WDR41: variants seen among roughly 807,000 people sequenced by gnomAD.
WDR41 encodes WD repeat domain 41.
Under a neutral mutation model 69.3 loss-of-function variants are expected in WDR41, and 63 were observed. The observed-to-expected ratio is 0.91, with a 90% CI of 0.74 to 1.12. The LOEUF (loss-of-function observed/expected upper bound fraction) is 1.12. Among genes scored for constraint, WDR41 ranks in the 50% most tolerant of loss-of-function variants. WDR41 has a pLI of 0.00. For missense variants in WDR41, 543 were observed against 534.5 expected, an observed-to-expected ratio of 1.02 and a Z score of -0.16; for synonymous variants, 185 against 192.1, an observed-to-expected ratio of 0.96 and a Z score of 0.31.
At chr5:77,490,745 T>C (rs1267962686) in intron 1 of WDR41, among the ~76,000 whole-genome samples, 2 of 152,152 alleles carry the variant, frequency 1.3e-5, no homozygotes, top group East Asian at 1.9e-4. Flanking sequence ...GCAAATAACA[T>C]GATTAACCAA....
chr5:77,544,696 A>G (rs1333023204), intron 1 of WDR41, among the ~76,000 whole-genome samples: 6 of 152,122 alleles, frequency 3.9e-5, no homozygotes, highest in Admixed American at 3.9e-4. Flanking sequence ...CTAAGAAATG[A>G]GATAGACAGC....
At chr5:77,598,788 G>A (rs1339756785) in intron 1 of WDR41, among the ~76,000 whole-genome samples, 2 of 151,918 alleles carry the variant, frequency 1.3e-5, no homozygotes, top group Admixed American at 6.6e-5. Context: ...CAATGTTAAC[G>A]CTGCTGCTGA....
chr5:77,543,172 C>T (rs1286099888), intron 1 of WDR41, among the ~76,000 whole-genome samples: 1 of 152,160 alleles, frequency 6.6e-6, no homozygotes, highest in Non-Finnish European at 1.5e-5. Context: ...CAGCCCTAGA[C>T]CTTCCCTCTG....
intron 1 of WDR41, among the ~76,000 whole-genome samples, chr5:77,516,335 A>G (rs550267898): frequency 6.6e-6 from 1 of 152,344 alleles, no homozygotes; most frequent in South Asian, 2.1e-4. Context: ...GAGAGGATGG[A>G]CAAAATGAAT....
chr5:77,569,878 A>T (rs183376133), intron 1 of WDR41, among the ~76,000 whole-genome samples: 1 of 152,324 alleles, frequency 6.6e-6, no homozygotes, highest in African/African-American at 2.4e-5. Flanking sequence ...GACTGGGGTG[A>T]ATGGCACAGC....
chr5:77,583,924 T>A (rs922821303), intron 1 of WDR41, among the ~76,000 whole-genome samples: 2 of 152,118 alleles, frequency 1.3e-5, no homozygotes, highest in Non-Finnish European at 2.9e-5. Flanking sequence ...ATCCCAAAAA[T>A]GCAAGGTTGA....
chr5:77,556,998 T>C (rs1016688288), intron 1 of WDR41, among the ~76,000 whole-genome samples: 42 of 152,136 alleles, frequency 2.8e-4, no homozygotes, highest in African/African-American at 1.0e-3. Flanking sequence ...GGGTGGAGCC[T>C]GAAAGCTGTT....
At chr5:77,513,272 T>C (rs1020813467) in intron 1 of WDR41, among the ~76,000 whole-genome samples, 4 of 152,224 alleles carry the variant, frequency 2.6e-5, no homozygotes, top group Non-Finnish European at 5.9e-5. Flanking sequence ...CTTGGCACTC[T>C]GTAGGTCTGT....
intron 2 of WDR41, among the ~76,000 whole-genome samples, chr5:77,485,605 C>T (rs761426533): frequency 1.3e-4 from 20 of 152,116 alleles, no homozygotes; most frequent in Non-Finnish European, 2.5e-4. Flanking sequence ...GTGTTATGAA[C>T]TCAGTTTAGT....
intron 1 of WDR41, among the ~76,000 whole-genome samples, chr5:77,519,499 T>C (rs1802341581): frequency 6.6e-6 from 1 of 152,014 alleles, no homozygotes; most frequent in Non-Finnish European, 1.5e-5. Flanking sequence ...TAGCAAATTA[T>C]CTTTAACAAA....
intron 1 of WDR41, among the ~76,000 whole-genome samples, chr5:77,497,449 A>G (rs1801950217): frequency 1.3e-5 from 2 of 152,198 alleles, no homozygotes. Context: ...ACTTGAGTAG[A>G]CATTTCTCCA....
rs138824130 is a variant in WDR41 at position 77,565,968 on chromosome 5, T to C, written c.42+54511A>G. On this transcript the variant is annotated intron_variant, in intron 1 of 5. Transcript: ENST00000509971. ...TTGACTTCTTACTGCATAGCAGATA[T>C]ATATATTGACTCATTTAATTCTCAT... Among the ~76,000 whole-genome samples the C allele has an allele frequency of 4.3e-4, 65 of 152,286 alleles. 1 individual carries two copies. The East Asian group carries it at 0.011, about 26-fold the overall frequency.
At chr5:77,606,052 T>C (rs1744411728) in intron 1 of WDR41, among the ~76,000 whole-genome samples, 1 of 152,164 alleles carries the variant, frequency 6.6e-6, no homozygotes, top group Non-Finnish European at 1.5e-5. Context: ...TAGGGAAAGC[T>C]AGAAGATGTG....
intron 4 of WDR41, among the ~76,000 whole-genome samples, chr5:77,462,625 C>T (rs927067090): frequency 1.3e-5 from 2 of 152,052 alleles, no homozygotes; most frequent in Non-Finnish European, 2.9e-5. Flanking sequence ...ATATTACACA[C>T]TGAACAAACA....
At chr5:77,453,668 C>A (rs1315094728) in intron 6 of WDR41, 149 bp downstream of exon 6, 2 of 624,024 alleles carry the variant, frequency 3.2e-6, no homozygotes, top group East Asian at 2.7e-5. Context: ...CAACCCCGAT[C>A]TGAATTGAAT....
intron 2 of WDR41, among the ~76,000 whole-genome samples, chr5:77,476,852 T>C (rs1800959285): frequency 6.9e-6 from 1 of 145,116 alleles, no homozygotes; most frequent in Admixed American, 6.9e-5. Flanking sequence ...ATGGACTAAA[T>C]GCTCCAATTA....
At chr5:77,588,313 T>C (rs552175970) in intron 1 of WDR41, among the ~76,000 whole-genome samples, 8 of 152,328 alleles carry the variant, frequency 5.3e-5, no homozygotes, top group Non-Finnish European at 1.2e-4. Context: ...TTCTCTTTTA[T>C]AGTTAGTACT....
intron 1 of WDR41, among the ~76,000 whole-genome samples, chr5:77,586,969 T>C (rs1744051936): frequency 6.6e-6 from 1 of 151,940 alleles, no homozygotes; most frequent in Admixed American, 6.6e-5. Context: ...CCGCCTGCCT[T>C]GGCCTCCCAA....
At chr5:77,611,601 A>G (rs1209191957) in intron 1 of WDR41, among the ~76,000 whole-genome samples, 2 of 152,302 alleles carry the variant, frequency 1.3e-5, no homozygotes, top group African/African-American at 2.4e-5. Flanking sequence ...ATGTTCTTTG[A>G]AACCAACGAG....
Sources: allele counts gnomAD v4.1 joint callset (sites outside exome capture counted in the v4.1 genomes callset), GRCh38; gene constraint gnomAD v4.1.1; transcripts MANE v1.5; gene names NCBI Gene and HGNC (gene_info 2026-07-23, HGNC 2026-07-21).